Variants in AP5Z1 observed in about 807,000 individuals in gnomAD.
AP5Z1 encodes adaptor related protein complex 5 subunit zeta 1, also known as AP-5 complex subunit zeta-1.
A neutral mutation model predicts 83.0 loss-of-function variants in AP5Z1; 106 were observed. The observed-to-expected ratio is 1.28, with a 90% CI of 1.09 to 1.50. The LOEUF (loss-of-function observed/expected upper bound fraction) is 1.50. AP5Z1 is among the 40% of genes most tolerant of loss of function. The pLI is 0.00. For missense variants in AP5Z1, 1,565 were observed against 1,094.2 expected (o/e 1.43, Z -6.07); for synonymous variants, 751 against 514.1 (o/e 1.46, Z -6.23).
chr7:4,779,472 A>G (rs1472527130), intron 1 of AP5Z1, among the ~76,000 whole-genome samples: 1 of 145,016 alleles, frequency 6.9e-6, no homozygotes, highest in Non-Finnish European at 1.5e-5. Flanking sequence ...ATATTATATT[A>G]TATATATATA....
At chr7:4,777,246 G>A (rs527659077) in intron 1 of AP5Z1, among the ~76,000 whole-genome samples, 2 of 151,950 alleles carry the variant, frequency 1.3e-5, no homozygotes, top group Non-Finnish European at 2.9e-5. Flanking sequence ...TTAATCCCAA[G>A]GTCCTTGCCA....
At chr7:4,784,415 G>C in intron 6 of AP5Z1, 44 bp downstream of exon 6, 1 of 1,547,404 alleles carries the variant, frequency 6.5e-7, no homozygotes, top group South Asian at 1.2e-5. Context: ...GTGGGAGGTG[G>C]GCGCACTATG....
chr7:4,789,446 C>G (rs1309812575), intron 13 of AP5Z1, among the ~76,000 whole-genome samples: 1 of 152,250 alleles, frequency 6.6e-6, no homozygotes, highest in Non-Finnish European at 1.5e-5. Flanking sequence ...CCCATCTCCC[C>G]CATTGCTGCT....
rs573534415 is a variant in AP5Z1, at chr7:4,788,714, C to G, written c.1596-126C>G. The G allele has an allele frequency of 7.1e-5, 59 of 833,276 alleles. No individual in the cohort carries two copies. In the East Asian group the frequency reaches 9.9e-4, roughly 14 times the overall value. The allele number at this position is 833,276 out of a possible 1,614,324, so 51.6% of individuals were successfully genotyped here. ...CCAAACCCAGGGGAGCAGGAGGTCCCGAGAGGCGATGAGTGAGGATGGGAG... is the reference window on the plus strand; with the variant it reads ...CCAAACCCAGGGGAGCAGGAGGTCCGGAGAGGCGATGAGTGAGGATGGGAG... On this transcript the variant is annotated intron_variant, in intron 12 of 16. Coordinates refer to ENST00000649063, the MANE Select transcript of AP5Z1 (RefSeq NM_014855.3).
intron 7 of AP5Z1, 134 bp from the exon 8 acceptor site, chr7:4,785,281 C>T: frequency 3.7e-6 from 5 of 1,353,676 alleles, no homozygotes; most frequent in Non-Finnish European, 5.0e-6. Flanking sequence ...CTCAGTCCCA[C>T]TCAAGTCCTC....
Position 4,788,298 on chromosome 7 carries a change from C to CGGGGCCCTAGGGCCAG in AP5Z1, c.1595+11_1595+26dup. ...AGGCCAGTGGCGCCACTGAGAGGTACGGGGCCCTAGGGCCAGGGGGCCACC... is the reference window on the plus strand; with the variant it reads ...AGGCCAGTGGCGCCACTGAGAGGTACGGGGCCCTAGGGCCAGGGGGCCCTAGGGCCAGGGGGCCACC... On this transcript the variant is annotated splice_donor_region_variant and intron_variant, in intron 12 of 16. Transcript: ENST00000649063. 1.3e-6 allele frequency: 2 copies of CGGGGCCCTAGGGCCAG among 1,583,642 alleles called. No homozygotes were observed. The highest frequency in any genetic ancestry group is 8.6e-7 in the Non-Finnish European group (1 of 1,166,374).
chr7:4,787,019 G>A (rs879802859), intron 10 of AP5Z1, among the ~76,000 whole-genome samples: 1 of 151,736 alleles, frequency 6.6e-6, no homozygotes, highest in African/African-American at 2.4e-5. Context: ...TGATCCTCCT[G>A]CCTTGACCTC....
intron 3 of AP5Z1, among the ~76,000 whole-genome samples, chr7:4,782,762 C>T (rs1265579879): frequency 2.0e-5 from 3 of 150,826 alleles, no homozygotes; most frequent in Admixed American, 2.0e-4. Flanking sequence ...TTTGTTTCAC[C>T]CGCCCTTCTC....
rs3750012 is a variant in AP5Z1, at chr7:4,788,962, T to C, written c.1707+11T>C. Reference sequence around the variant, plus strand: ...TCAGCAGTGACCCAGGTGAGCTCGCTGCCTGGGGCCCCCCATTCCCACAGG... The same window carrying C: ...TCAGCAGTGACCCAGGTGAGCTCGCCGCCTGGGGCCCCCCATTCCCACAGG... On this transcript the variant is annotated intron_variant, in intron 13 of 16. Transcript: ENST00000649063. The C allele has an allele frequency of 0.13, 212,627 of 1,606,016 alleles. 16,750 individuals are homozygous for C. Among genetic ancestry groups the C allele is most frequent in the African/African-American group, 0.31 (23,192 of 74,842 alleles).
chr7:4,778,281 G>C (rs1781277771), intron 1 of AP5Z1, among the ~76,000 whole-genome samples: 1 of 152,196 alleles, frequency 6.6e-6, no homozygotes, highest in Admixed American at 6.5e-5. Flanking sequence ...ATGTGTCAGA[G>C]ATACGGAAAG....
Position 4,791,939 on chromosome 7 carries a change from G to A in AP5Z1, c.*554G>A, listed in dbSNP as rs1215198023. 6.5e-6 allele frequency: 1 copy of A among 153,952 alleles called. No individual in the cohort carries two copies. Among genetic ancestry groups the A allele is most frequent in the Non-Finnish European group, 1.4e-5 (1 of 69,192 alleles). The allele number at this position is 153,952 out of a possible 1,614,324, so 9.5% of individuals were successfully genotyped here. A position where few individuals can be genotyped will look rare whatever the true frequency, so the allele number is the denominator to read the frequency against. On this transcript the variant is annotated 3_prime_UTR_variant, in exon 17 of 17. Coordinates refer to ENST00000649063, the MANE Select transcript of AP5Z1 (RefSeq NM_014855.3). ...AAGGCAGCGGCGCGAGTTCCCGGGT[G>A]TGGTCACCGCTCTGGGTGGTGCGCT...
intron 2 of AP5Z1, 117 bp from the exon 3 acceptor site, chr7:4,781,451 C>A: frequency 6.5e-7 from 1 of 1,532,782 alleles, no homozygotes; most frequent in Non-Finnish European, 8.9e-7. Flanking sequence ...GGTCCATCCT[C>A]ATGTAAAATG....
chr7:4,785,832 C>T (rs1305724275), intron 9 of AP5Z1, 148 bp downstream of exon 9: 20 of 1,181,604 alleles, frequency 1.7e-5, no homozygotes, highest in African/African-American at 8.0e-5. Context: ...GTCTGGAACT[C>T]GTGGCCTCAA....
chr7:4,779,342 C>CATAACACGTTATATATGAT (rs1367350199), intron 1 of AP5Z1, among the ~76,000 whole-genome samples: 6 of 141,274 alleles, frequency 4.2e-5, no homozygotes, highest in African/African-American at 1.7e-4. Context: ...TGATATATAA[C>CATAACACGTTATATATGAT]ATATAACATG....
intron 14 of AP5Z1, 173 bp downstream of exon 14, chr7:4,790,102 C>T (rs1297075355): frequency 6.8e-6 from 9 of 1,323,386 alleles, no homozygotes; most frequent in Non-Finnish European, 8.9e-6. Flanking sequence ...CCAGGCACTT[C>T]TCTCTGCTTC....
rs1239028243 is a variant in AP5Z1 at position 4,790,884 on chromosome 7, C to T, written c.2150C>T (p.Pro717Leu). The T allele has an allele frequency of 6.2e-7, 1 of 1,600,128 alleles. No individual in the cohort carries two copies. The highest frequency in any genetic ancestry group is 1.7e-5 in the Admixed American group (1 of 58,786). ...GCCTCCCGGAGCCAAGATCTGATCC[C>T]CAGGTGCCTGGTCAGGGAGGGAGCG... ...KLASRSQDLIPRASLLLSKMR... is the reference protein window; with the variant it reads ...KLASRSQDLILRASLLLSKMR... The change falls in exon 16 of 17, where the codon CCC becomes CTC. Residue 717 changes from proline to leucine, a missense_variant. Coordinates refer to ENST00000649063, the MANE Select transcript of AP5Z1 (RefSeq NM_014855.3).
At chr7:4,788,976 C>A (rs940440609) in intron 13 of AP5Z1, 25 bp downstream of exon 13, 13 of 1,594,264 alleles carry the variant, frequency 8.2e-6, no homozygotes, top group Non-Finnish European at 1.1e-5. Context: ...TGGGGCCCCC[C>A]ATTCCCACAG....
Position 4,784,990 on chromosome 7 carries a change from G to T in AP5Z1, c.873G>T (p.Glu291Asp). ...CCGGCCGCCTGCTGCCGCCCCGGGA[G>T]CGGCTTCGGGAGGTGGCCTTCGAGT... ...SSAGRLLPPRERLREVAFEYC... is the reference protein window; with the variant it reads ...SSAGRLLPPRDRLREVAFEYC... The change falls in exon 7 of 17, where the codon GAG (glutamate) becomes GAT (aspartate). Residue 291 changes from glutamate (E) to aspartate (D), a missense_variant. Coordinates refer to ENST00000649063, the MANE Select transcript of AP5Z1 (RefSeq NM_014855.3). 1 of 1,611,788 alleles carries T rather than the reference G, an allele frequency of 6.2e-7. No homozygotes were observed. The highest frequency in any genetic ancestry group is 1.1e-5 in the South Asian group (1 of 91,024).
In AP5Z1 at chr7:4,789,912, C is replaced by A; in HGVS notation, c.1788C>A (p.Tyr596Ter). 1 of 1,547,872 alleles carries A rather than the reference C, an allele frequency of 6.5e-7. No homozygotes were observed. Residue 596 changes from tyrosine (Y) to a stop codon, truncating the protein, a stop_gained, in exon 14 of 17, where the codon TAC becomes TAA. Coordinates refer to ENST00000649063, the MANE Select transcript of AP5Z1 (RefSeq NM_014855.3). LOFTEE classifies it high-confidence loss of function. ...RSDSLYPAPG[Y>*]AAGVHSVLSS... ...ACTCGCTCTACCCGGCCCCAGGGTACGCTGCCGGTGTGCACAGGTAGGTCC... is the reference window on the plus strand; with the variant it reads ...ACTCGCTCTACCCGGCCCCAGGGTAAGCTGCCGGTGTGCACAGGTAGGTCC...
Sources: gnomAD v4.1 joint callset for allele counts (sites outside exome capture counted in the v4.1 genomes callset) on GRCh38, gnomAD v4.1.1 for gene constraint, MANE v1.5 for transcripts, NCBI Gene and HGNC (gene_info 2026-07-23, HGNC 2026-07-21) for gene names.